TRAF7: variants seen among roughly 807,000 people sequenced by gnomAD.
TRAF7 encodes E3 ubiquitin-protein ligase TRAF7.
TRAF7 carries 45 observed loss-of-function variants against 89.3 expected under a neutral mutation model. The ratio of observed to expected loss-of-function variants is 0.50; its 90% confidence interval spans 0.40 to 0.65. The LOEUF (loss-of-function observed/expected upper bound fraction) is 0.65, where lower values mean the gene tolerates loss of function less well. Among genes scored for constraint, TRAF7 ranks in the 30% least tolerant of loss-of-function variants. The pLI, the probability that TRAF7 is intolerant of heterozygous loss-of-function variation, is 0.00. For synonymous variants in TRAF7, 406 were observed against 369.2 expected (o/e 1.10, Z -1.14); for missense variants, 677 against 918.1 (o/e 0.74, Z 3.39).
chr16:2,172,428 T>G, intron 8 of TRAF7, 37 bp from the exon 9 acceptor site: 1 of 1,610,824 alleles, frequency 6.2e-7, no homozygotes, highest in Non-Finnish European at 8.5e-7. Context: ...TTCTCAGGGC[T>G]CTGGCTGAGG....
At chr16:2,164,562 G>T (rs1485125680) in intron 2 of TRAF7, among the ~76,000 whole-genome samples, 1 of 135,254 alleles carries the variant, frequency 7.4e-6, no homozygotes, top group Non-Finnish European at 1.6e-5. Flanking sequence ...TGGCCTGGTC[G>T]CATGGTTAAG....
intron 14 of TRAF7, among the ~76,000 whole-genome samples, chr16:2,174,615 G>A (rs1041815202): frequency 6.6e-6 from 1 of 152,132 alleles, no homozygotes; most frequent in African/African-American, 2.4e-5. Context: ...CCAGAAGATA[G>A]GGGGGACCTT....
chr16:2,169,570 G>A (rs376384651), intron 4 of TRAF7, among the ~76,000 whole-genome samples: 2 of 152,248 alleles, frequency 1.3e-5, no homozygotes, highest in East Asian at 3.9e-4. Context: ...CCTGCCTGCT[G>A]TCAGCCCCTA....
At chr16:2,170,759 G>A (rs1352470636) in intron 5 of TRAF7, 29 bp downstream of exon 5, 1 of 1,564,080 alleles carries the variant, frequency 6.4e-7, no homozygotes, top group Non-Finnish European at 8.7e-7. Context: ...GCGCAGAGCG[G>A]CTTCCAGGGC....
At chr16:2,157,272 G>A (rs557162271) in intron 1 of TRAF7, among the ~76,000 whole-genome samples, 167 of 152,222 alleles carry the variant, frequency 1.1e-3, no homozygotes, top group Non-Finnish European at 2.1e-3. Context: ...CTCGGGCCCC[G>A]TGTCCTGAGG....
Position 2,176,879 on chromosome 16 carries a change from T to A in TRAF7, c.*305T>A. ...CCTTTTTACTCACCTTTTCTACCGT[T>A]TTTAGACTGTATGTAGATTTGGTTA... On this transcript the variant is annotated 3_prime_UTR_variant, in exon 21 of 21. Coordinates refer to ENST00000326181, the MANE Select transcript of TRAF7 (RefSeq NM_032271.3). 1.8e-6 allele frequency: 1 copy of A among 552,700 alleles called. No individual in the cohort carries two copies. Among genetic ancestry groups the A allele is most frequent in the Non-Finnish European group, 3.3e-6 (1 of 306,408 alleles). 34.2% of individuals were successfully genotyped at this position (552,700 alleles called of 1,614,324 possible).
At chr16:2,174,801 C>T (rs1039372696) in intron 14 of TRAF7, among the ~76,000 whole-genome samples, 2 of 152,226 alleles carry the variant, frequency 1.3e-5, no homozygotes, top group Non-Finnish European at 2.9e-5. Flanking sequence ...GAGAGATGCT[C>T]GCTTTCAGGA....
In TRAF7 at chr16:2,174,048, G is replaced by A. The variant is rs1404832077; in HGVS notation, c.1263G>A (p.Lys421=). The A allele has an allele frequency of 1.2e-6, 2 of 1,612,710 alleles. No individual in the cohort carries two copies. Among genetic ancestry groups the A allele is most frequent in the Admixed American group, 1.7e-5 (1 of 60,002 alleles). Residue 421 remains lysine (K), a splice_region_variant and synonymous_variant, in exon 13 of 21, where the codon AAG becomes AAA. Coordinates refer to ENST00000326181, the MANE Select transcript of TRAF7 (RefSeq NM_032271.3). ...GTGGCTCCTCTGACAAGACCATCAA[G>A]GTGGGCAGGGTCCTACCTCAGTCTC... The part of the protein sequence containing the change: ...LFSGSSDKTI[K]VWDTCTTYKC...
At chr16:2,173,859 T>TGGGGGCGCCCCCC in intron 12 of TRAF7, 23 bp downstream of exon 12, 2 of 1,246,250 alleles carry the variant, frequency 1.6e-6, no homozygotes, top group Non-Finnish European at 2.2e-6. Flanking sequence ...CCGCCGTGGC[T>TGGGGGCGCCCCCC]CCCGCCCACC....
intron 2 of TRAF7, among the ~76,000 whole-genome samples, 174 bp downstream of exon 2, chr16:2,164,175 CGCGCGCACGCGTGCGTGTGT>C (rs2093070789): frequency 8.4e-6 from 1 of 119,592 alleles, no homozygotes; most frequent in Non-Finnish European, 1.7e-5. Context: ...CGCGCGCGCG[CGCGCGCACGCGTGCGTGTGT>C]GGTTGGGGCG....
intron 1 of TRAF7, among the ~76,000 whole-genome samples, chr16:2,156,738 G>A (rs1390198423): frequency 6.6e-6 from 1 of 151,686 alleles, no homozygotes; most frequent in Admixed American, 6.6e-5. Context: ...GTGGGGTGGG[G>A]CGGGGGGGTT....
chr16:2,173,984 G>A lies in TRAF7; in HGVS notation c.1199G>A (p.Trp400Ter), dbSNP rs760430127. The change falls in exon 13 of 21, where the codon TGG becomes TAG. Residue 400 changes from tryptophan (W) to a stop codon, truncating the protein, a stop_gained. Coordinates refer to ENST00000326181, the MANE Select transcript of TRAF7 (RefSeq NM_032271.3). LOFTEE classifies it high-confidence loss of function. ...TTTGTGGGCCACCAGGGCCCTGTGT[G>A]GTGTCTCTGCGTCTACTCCATGGGT... ...GTFVGHQGPV[W>*]CLCVYSMGDL... is the part of the protein sequence containing the mutation. The A allele has an allele frequency of 6.2e-7, 1 of 1,613,570 alleles. No homozygotes were observed. The highest frequency in any genetic ancestry group is 8.5e-7 in the Non-Finnish European group (1 of 1,180,004).
At position 2,158,875 on chromosome 16, in the gene TRAF7, C is replaced by T. The variant is rs1431489675; in HGVS notation, c.-39+3017C>T. 1.3e-5 allele frequency among the ~76,000 whole-genome samples: 2 copies of T among 152,008 alleles called. No individual in the cohort carries two copies. Among genetic ancestry groups the T allele is most frequent in the African/African-American group, 4.8e-5 (2 of 41,370 alleles). On this transcript the variant is annotated intron_variant, in intron 1 of 20. Transcript: ENST00000326181. The surrounding 1 kb of genome is among the most constrained non-coding windows in gnomAD (Gnocchi z 4.7). ...TGGGTGAGAGCCAGGAACGCACTCC[C>T]CAGCCCAGAGCTGTGAAGCTGGGGT...
Position 2,177,725 on chromosome 16 carries a change from C to G in TRAF7, c.*1151C>G, listed in dbSNP as rs954591235. The G allele has an allele frequency of 4.1e-6, 1 of 243,180 alleles. No individual in the cohort carries two copies. The highest frequency in any genetic ancestry group is 5.4e-5 in the Admixed American group (1 of 18,354). The allele number at this position is 243,180 out of a possible 1,614,324, so 15.1% of individuals were successfully genotyped here. A position where few individuals can be genotyped will look rare whatever the true frequency, so the allele number is the denominator to read the frequency against. On this transcript the variant is annotated 3_prime_UTR_variant, in exon 21 of 21. Coordinates refer to ENST00000326181, the MANE Select transcript of TRAF7 (RefSeq NM_032271.3). ...CGTGGCTGCCACGCTGACACACCCA[C>G]ATTCACCAAACCCACCCGCGCCCTG...
rs564339172 is a variant in TRAF7 at position 2,165,917 on chromosome 16, C to G, written c.120C>G (p.Ala40=). The change falls in exon 3 of 21, where the codon GCC becomes GCG. Residue 40 remains alanine (A), a synonymous_variant. Transcript: ENST00000326181. The part of the protein sequence containing the change: ...METTFGPAFS[A]VTTITKADGT... ...CGACCTTCGGACCCGCCTTTTCAGC[C>G]GTCACCACCATCACAAAAGGTGAGC... The G allele has an allele frequency of 4.3e-6, 7 of 1,614,126 alleles. No individual in the cohort carries two copies. The highest frequency in any genetic ancestry group is 5.9e-6 in the Non-Finnish European group (7 of 1,179,978).
rs963291602 is a variant in TRAF7 at position 2,173,126 on chromosome 16, G to A, written c.795-56G>A. ...TGGAGCATTTGAGGGGGATTCTTGG[G>A]GATGGGGAGGCACCGGCAGGGACCC... On this transcript the variant is annotated intron_variant, in intron 9 of 20. Transcript: ENST00000326181. 103 of 1,521,210 alleles carry A rather than the reference G, an allele frequency of 6.8e-5. 1 individual carries two copies. The highest frequency in any genetic ancestry group is 5.7e-4 in the Middle Eastern group (3 of 5,236). 94.2% of individuals were successfully genotyped at this position (1,521,210 alleles called of 1,614,324 possible).
At position 2,158,500 on chromosome 16, in the gene TRAF7, C is replaced by T. The variant is rs1047153033; in HGVS notation, c.-39+2642C>T. Among the ~76,000 whole-genome samples, 3 of 152,122 alleles carry T rather than the reference C, an allele frequency of 2.0e-5. No individual in the cohort carries two copies. Among genetic ancestry groups the T allele is most frequent in the Non-Finnish European group, 2.9e-5 (2 of 68,006 alleles). On this transcript the variant is annotated intron_variant, in intron 1 of 20. Transcript: ENST00000326181. This position sits in a 1 kb window ranked among gnomAD's most constrained non-coding sequence, Gnocchi z 4.7. ...CACCCAGGTGGGAAGTAGGGGGCAGCGACGCAGAGGGCCAGGACTGAGGGC... is the reference window on the plus strand; with the variant it reads ...CACCCAGGTGGGAAGTAGGGGGCAGTGACGCAGAGGGCCAGGACTGAGGGC...
At chr16:2,175,196 G>T (rs755849818) in intron 15 of TRAF7, 46 bp downstream of exon 15, 4 of 1,612,862 alleles carry the variant, frequency 2.5e-6, no homozygotes, top group African/African-American at 2.7e-5. Context: ...GCCCAGGCCC[G>T]CCCCAGTCTG....
rs1347356668 is a variant in TRAF7 at position 2,176,328 on chromosome 16, G to A, written c.1942G>A (p.Ala648Thr). Residue 648 changes from alanine (A) to threonine (T), a missense_variant, in exon 20 of 21, where the codon GCG (alanine) becomes ACG (threonine). Around this residue, in one of 6 missense-constraint regions of TRAF7, gnomAD observed 23 missense variants for 31.7 expected, o/e 0.73. Transcript: ENST00000326181. ...TLLRHQGSVT[A>T]LAVSRGRLFS... is the part of the protein sequence containing the mutation. ...GCTGCGTCACCAGGGCAGTGTCACC[G>A]CGCTGGCTGTGTCCCGGGGCCGACT... 1.2e-5 allele frequency: 19 copies of A among 1,604,368 alleles called. No individual in the cohort carries two copies. The highest frequency in any genetic ancestry group is 3.3e-5 in the South Asian group (3 of 90,430).
Sources: allele counts gnomAD v4.1 joint callset (sites outside exome capture counted in the v4.1 genomes callset), GRCh38; gene constraint gnomAD v4.1.1; regional missense constraint gnomAD v4.1.1; non-coding constraint Gnocchi (gnomAD v3.1); transcripts MANE v1.5; gene names NCBI Gene and HGNC (gene_info 2026-07-23, HGNC 2026-07-21).